Variants in PRKG1 observed in about 807,000 individuals in gnomAD.
PRKG1 encodes cGMP-dependent protein kinase 1.
Under a neutral mutation model 88.1 loss-of-function variants are expected in PRKG1, and 35 were observed. The observed-to-expected ratio is 0.40, with a 90% CI of 0.30 to 0.53. The LOEUF (loss-of-function observed/expected upper bound fraction) is 0.53, where lower values mean the gene tolerates loss of function less well. PRKG1 is among the 20% of genes least tolerant of loss of function. The pLI is 0.59. For synonymous variants in PRKG1, 303 were observed against 292.5 expected, an observed-to-expected ratio of 1.04 and a Z score of -0.37; for missense variants, 540 against 839.8, an observed-to-expected ratio of 0.64 and a Z score of 4.41.
chr10:51,021,161 T>C (rs1843132027), intron 1 of PRKG1, among the ~76,000 whole-genome samples: 1 of 152,206 alleles, frequency 6.6e-6, no homozygotes. Context: ...TGGTACACTC[T>C]TTAATCAGAT....
intron 7 of PRKG1, among the ~76,000 whole-genome samples, chr10:52,075,657 G>C (rs1846609930): frequency 6.6e-6 from 1 of 152,176 alleles, no homozygotes; most frequent in South Asian, 2.1e-4. Context: ...CTGTAGATTA[G>C]GTGGCTTAAC....
chr10:51,965,568 C>T (rs1290764702), intron 5 of PRKG1, among the ~76,000 whole-genome samples: 1 of 152,076 alleles, frequency 6.6e-6, no homozygotes, highest in Non-Finnish European at 1.5e-5. Context: ...AATATAACAA[C>T]ATTAAGAAGG....
intron 9 of PRKG1, among the ~76,000 whole-genome samples, chr10:52,198,595 A>G (rs534807786): frequency 2.6e-5 from 4 of 152,294 alleles, no homozygotes; most frequent in Admixed American, 2.6e-4. Context: ...GGTGGTTTAA[A>G]ATAACAGAAA....
intron 5 of PRKG1, among the ~76,000 whole-genome samples, chr10:52,029,009 G>C (rs755717318): frequency 3.3e-5 from 5 of 152,156 alleles, no homozygotes; most frequent in Non-Finnish European, 7.3e-5. Context: ...CTTCTAAATT[G>C]TAAATGACAT....
chr10:51,862,522 C>G (rs537450413), intron 4 of PRKG1, among the ~76,000 whole-genome samples: 1 of 152,014 alleles, frequency 6.6e-6, no homozygotes, highest in African/African-American at 2.4e-5. Flanking sequence ...AGAAGGGGCC[C>G]GAAAACAGGT....
chr10:52,103,845 T>G (rs1461883576), intron 7 of PRKG1, among the ~76,000 whole-genome samples: 1 of 151,910 alleles, frequency 6.6e-6, no homozygotes. Context: ...TAATTAGTTT[T>G]AAGTCAACAG....
rs533843494 is a variant in PRKG1 at position 51,411,428 on chromosome 10, A to G, written c.479-56295A>G. ...GAATGAAGTTACAGGAAGTTAAAAG[A>G]AAAGTTACATAATGTTAAATTCACG... On this transcript the variant is annotated intron_variant, in intron 2 of 17. Coordinates refer to ENST00000373980, the MANE Select transcript of PRKG1 (RefSeq NM_006258.4). 7.9e-5 allele frequency among the ~76,000 whole-genome samples: 12 copies of G among 152,304 alleles called. 1 individual carries two copies. In the South Asian group the frequency reaches 2.1e-3, roughly 26 times the overall value.
intron 3 of PRKG1, among the ~76,000 whole-genome samples, chr10:51,656,592 G>A (rs1198266940): frequency 1.3e-5 from 2 of 151,966 alleles, no homozygotes; most frequent in Non-Finnish European, 2.9e-5. Flanking sequence ...CTTAGTCCTC[G>A]CCTTGGCTAT....
At chr10:51,564,325 AATAG>A (rs1477328986) in intron 3 of PRKG1, among the ~76,000 whole-genome samples, 7 of 152,160 alleles carry the variant, frequency 4.6e-5, no homozygotes, top group Admixed American at 2.6e-4. Flanking sequence ...TCTTTGTTAT[AATAG>A]ATAGTGGTAA....
intron 4 of PRKG1, among the ~76,000 whole-genome samples, chr10:51,892,921 G>T (rs1452428943): frequency 1.3e-5 from 2 of 152,066 alleles, no homozygotes; most frequent in African/African-American, 4.8e-5. Context: ...TATTTAAAAG[G>T]TCATACATTC....
chr10:51,219,427 C>A (rs79690832), intron 2 of PRKG1, among the ~76,000 whole-genome samples: 1 of 151,682 alleles, frequency 6.6e-6, no homozygotes, highest in Admixed American at 6.6e-5. Context: ...AAAGGAGGAG[C>A]GGCCGGGCGC....
At chr10:51,218,728 ATAT>A (rs1838444462) in intron 2 of PRKG1, among the ~76,000 whole-genome samples, 1 of 151,884 alleles carries the variant, frequency 6.6e-6, no homozygotes, top group South Asian at 2.1e-4. Flanking sequence ...TATGATAAAG[ATAT>A]TATTTCTAGA....
chr10:52,176,710 C>T (rs1341363551), intron 9 of PRKG1, among the ~76,000 whole-genome samples: 3 of 151,844 alleles, frequency 2.0e-5, no homozygotes, highest in Non-Finnish European at 4.4e-5. Context: ...TTGGGGTTTT[C>T]GTTGTAGAGG....
intron 2 of PRKG1, among the ~76,000 whole-genome samples, chr10:51,231,713 T>A (rs1268422394): frequency 6.7e-6 from 1 of 148,456 alleles, no homozygotes; most frequent in Admixed American, 6.7e-5. Context: ...CTGAAACATT[T>A]TTTTTTTTTT....
At chr10:51,381,296 A>C (rs1240818442) in intron 2 of PRKG1, among the ~76,000 whole-genome samples, 1 of 140,252 alleles carries the variant, frequency 7.1e-6, no homozygotes, top group Non-Finnish European at 1.6e-5. Context: ...AAAAAAAAAA[A>C]AAAAGGAAAT....
At chr10:51,112,329 C>A (rs543985053) in intron 1 of PRKG1, among the ~76,000 whole-genome samples, 1 of 152,026 alleles carries the variant, frequency 6.6e-6, no homozygotes, top group South Asian at 2.1e-4. Flanking sequence ...AAAAAGCTTT[C>A]GGGTTTTAAC....
chr10:51,238,896 T>A (rs1176235327), intron 2 of PRKG1, among the ~76,000 whole-genome samples: 1 of 152,176 alleles, frequency 6.6e-6, no homozygotes, highest in East Asian at 1.9e-4. Flanking sequence ...GAGAAATTGG[T>A]TTTTATTATA....
chr10:51,073,587 C>T (rs1297926839), upstream of PRKG1, among the ~76,000 whole-genome samples: 5 of 152,104 alleles, frequency 3.3e-5, no homozygotes, highest in African/African-American at 9.7e-5. Flanking sequence ...GCTGAGTGAC[C>T]TGCTAGGGCC....
intron 3 of PRKG1, chr10:51,568,353 T>C (rs1356043574): frequency 6.6e-6 from 1 of 152,100 alleles, no homozygotes; most frequent in Non-Finnish European, 1.5e-5. Flanking sequence ...TGGTTACATG[T>C]AGAGCATAAC....
Sources: allele counts gnomAD v4.1 joint callset (sites outside exome capture counted in the v4.1 genomes callset), GRCh38; gene constraint gnomAD v4.1.1; transcripts MANE v1.5; gene names NCBI Gene and HGNC (gene_info 2026-07-23, HGNC 2026-07-21).